The following TBC1D22A variants were observed in gnomAD, a reference collection of about 807,000 sequenced individuals.
TBC1D22A encodes the protein putative GTPase activator.
In TBC1D22A, 38 loss-of-function variants were observed where a neutral mutation model predicts 60.2. The ratio of observed to expected loss-of-function variants is 0.63; its 90% CI spans 0.49 to 0.83. The LOEUF is 0.83. TBC1D22A is among the 40% of genes least tolerant of loss of function. The pLI is 0.00. For missense variants in TBC1D22A, 628 were observed against 701.0 expected (o/e 0.90, Z 1.18); for synonymous variants, 302 against 281.7 (o/e 1.07, Z -0.72).
intron 4 of TBC1D22A, among the ~76,000 whole-genome samples, chr22:46,846,016 T>C (rs1423084100): frequency 6.6e-6 from 1 of 152,194 alleles, no homozygotes; most frequent in Non-Finnish European, 1.5e-5. Context: ...GTAAAAAAAT[T>C]CTGTGTTTAA....
intron 4 of TBC1D22A, among the ~76,000 whole-genome samples, chr22:46,818,717 A>G (rs1430078384): frequency 6.6e-6 from 1 of 152,196 alleles, no homozygotes; most frequent in Non-Finnish European, 1.5e-5. Context: ...TGTCTTGGCT[A>G]TATGGGGTTT....
intron 11 of TBC1D22A, among the ~76,000 whole-genome samples, chr22:47,094,994 G>A (rs1402177475): frequency 6.6e-6 from 1 of 152,262 alleles, no homozygotes; most frequent in African/African-American, 2.4e-5. Flanking sequence ...AGTCACTGAG[G>A]CCGGCTGGGT....
At chr22:47,099,864 G>A (rs541257306) in intron 11 of TBC1D22A, among the ~76,000 whole-genome samples, 1 of 152,154 alleles carries the variant, frequency 6.6e-6, no homozygotes, top group Non-Finnish European at 1.5e-5. Context: ...GCTCTCCACT[G>A]TTTTCTCGTC....
At chr22:46,825,195 G>T (rs531901953) in intron 4 of TBC1D22A, among the ~76,000 whole-genome samples, 3 of 152,222 alleles carry the variant, frequency 2.0e-5, no homozygotes, top group African/African-American at 7.2e-5. Flanking sequence ...ACTTAAAATC[G>T]ATGACTAAAC....
intron 10 of TBC1D22A, among the ~76,000 whole-genome samples, chr22:47,033,975 C>G (rs7284578): frequency 0.026 from 3,924 of 152,202 alleles, 144 homozygotes; most frequent in African/African-American, 0.08. Context: ...TCTCTCTGTC[C>G]CCCGAGGGAT....
chr22:46,786,204 G>A (rs1414914488), intron 1 of TBC1D22A, among the ~76,000 whole-genome samples: 1 of 152,138 alleles, frequency 6.6e-6, no homozygotes, highest in Non-Finnish European at 1.5e-5. Flanking sequence ...CTAGTTTGTT[G>A]ATAATTTTTA....
At chr22:47,169,349 C>T (rs6008054) in intron 12 of TBC1D22A, among the ~76,000 whole-genome samples, 19,136 of 152,140 alleles carry the variant, frequency 0.13, 1,298 homozygotes, top group Non-Finnish European at 0.15. Context: ...TAGGGCACAC[C>T]CAAGTCGCCC....
intron 1 of TBC1D22A, among the ~76,000 whole-genome samples, chr22:46,771,169 A>T (rs1019966097): frequency 1.3e-5 from 2 of 152,146 alleles, no homozygotes; most frequent in East Asian, 3.8e-4. Context: ...AAAATGATTG[A>T]TCCCTGACAA....
rs57116517 is a variant in TBC1D22A at position 46,904,142 on chromosome 22, T to TCTATCTGCCTGCCTGC, written c.901-7929_901-7928insTCTGCCTGCCTGCCTA. 2.2e-4 allele frequency among the ~76,000 whole-genome samples: 29 copies of TCTATCTGCCTGCCTGC among 134,576 alleles called. No homozygotes were observed. The East Asian group carries it at 3.3e-3, about 15-fold the overall frequency. 88.3% of individuals were successfully genotyped at this position (134,576 alleles called of 152,430 possible). A position where few individuals can be genotyped will look rare whatever the true frequency, so the allele number is the denominator to read the frequency against. On this transcript the variant is annotated intron_variant, in intron 7 of 12. Coordinates refer to ENST00000337137, the MANE Select transcript of TBC1D22A (RefSeq NM_014346.5). Reference sequence around the variant, plus strand: ...ATCTATCTATCTATCTATCTATCTATCTACCTACCTACCTACCTACCTACC... The same window carrying TCTATCTGCCTGCCTGC: ...ATCTATCTATCTATCTATCTATCTATCTATCTGCCTGCCTGCCTACCTACCTACCTACCTACCTACC...
At position 46,777,230 on chromosome 22, in the gene TBC1D22A, G is replaced by A. The variant is rs1286783369; in HGVS notation, c.62+14382G>A. ...ATGGAGCCCCGATTTAAGTTAGTGGGACAGAGGGTTTTCGATGCCAGGACA... is the reference window on the plus strand; with the variant it reads ...ATGGAGCCCCGATTTAAGTTAGTGGAACAGAGGGTTTTCGATGCCAGGACA... On this transcript the variant is annotated intron_variant, in intron 1 of 12. Transcript: ENST00000337137. This position sits in a 1 kb window ranked among gnomAD's most constrained non-coding sequence, Gnocchi z 4.5. Among the ~76,000 whole-genome samples the A allele has an allele frequency of 6.8e-6, 1 of 146,158 alleles. No individual in the cohort carries two copies. The highest frequency in any genetic ancestry group is 1.5e-5 in the Non-Finnish European group (1 of 66,110).
At chr22:46,786,877 G>A (rs2084180303) in intron 1 of TBC1D22A, among the ~76,000 whole-genome samples, 1 of 151,844 alleles carries the variant, frequency 6.6e-6, no homozygotes, top group African/African-American at 2.4e-5. Flanking sequence ...TAATAGATGA[G>A]GTCTTGCTTT....
intron 1 of TBC1D22A, chr22:46,789,449 A>G (rs2084312399): frequency 2.6e-6 from 1 of 387,324 alleles, no homozygotes; most frequent in Non-Finnish European, 5.5e-6. Flanking sequence ...AACAGTCAAA[A>G]TGCCAGTTGA....
chr22:47,078,745 C>T (rs2147550034), intron 11 of TBC1D22A, among the ~76,000 whole-genome samples: 1 of 152,374 alleles, frequency 6.6e-6, no homozygotes, highest in Admixed American at 6.5e-5. Context: ...ACCCATTACT[C>T]ACAAGGCAGC....
intron 11 of TBC1D22A, among the ~76,000 whole-genome samples, chr22:47,090,863 G>A (rs1337089808): frequency 3.5e-5 from 5 of 143,448 alleles, no homozygotes; most frequent in Non-Finnish European, 7.6e-5. Context: ...GGGGGGAGTG[G>A]CCTCGCAGAG....
chr22:47,100,075 T>A (rs1298589787), intron 11 of TBC1D22A, among the ~76,000 whole-genome samples: 1 of 152,120 alleles, frequency 6.6e-6, no homozygotes, highest in African/African-American at 2.4e-5. Flanking sequence ...GTGTTTGCAA[T>A]GAAAACTCTA....
At chr22:47,127,010 A>G (rs2066481220) in intron 12 of TBC1D22A, among the ~76,000 whole-genome samples, 3 of 152,190 alleles carry the variant, frequency 2.0e-5, no homozygotes, top group Non-Finnish European at 2.9e-5. Flanking sequence ...AATACACGCA[A>G]TATCCACATA....
intron 8 of TBC1D22A, among the ~76,000 whole-genome samples, chr22:46,961,002 A>G (rs1175948376): frequency 2.2e-5 from 3 of 139,286 alleles, no homozygotes; most frequent in African/African-American, 8.0e-5. Context: ...AGCTAAGAGG[A>G]CACATCTCAG....
intron 4 of TBC1D22A, among the ~76,000 whole-genome samples, chr22:46,867,650 T>C (rs1435778851): frequency 6.6e-6 from 1 of 152,128 alleles, no homozygotes; most frequent in Non-Finnish European, 1.5e-5. Flanking sequence ...CAGGTAACTG[T>C]GATGATAGTG....
At chr22:46,859,106 A>G (rs1434369834) in intron 4 of TBC1D22A, among the ~76,000 whole-genome samples, 5 of 134,292 alleles carry the variant, frequency 3.7e-5, no homozygotes, top group Non-Finnish European at 7.9e-5. Flanking sequence ...CCTTCCCGGG[A>G]CCAGAATCCT....
Sources: gnomAD v4.1 joint callset for allele counts (sites outside exome capture counted in the v4.1 genomes callset) on GRCh38, gnomAD v4.1.1 for gene constraint, Gnocchi (gnomAD v3.1) non-coding constraint, MANE v1.5 for transcripts, NCBI Gene and HGNC (gene_info 2026-07-23, HGNC 2026-07-21) for gene names.